The following PCDHGB7 variants were observed in gnomAD, a reference collection of about 807,000 sequenced individuals.
The protein encoded by PCDHGB7 is protocadherin gamma subfamily B, 7.
A neutral mutation model predicts 61.4 loss-of-function variants in PCDHGB7; 37 were observed. The observed-to-expected ratio is 0.60, with a 90% confidence interval of 0.46 to 0.79. The LOEUF (loss-of-function observed/expected upper bound fraction) is 0.79, where lower values mean the gene tolerates loss of function less well. Among genes scored for constraint, PCDHGB7 ranks in the 30% least tolerant of loss-of-function variants. The pLI, the probability that PCDHGB7 is intolerant of heterozygous loss-of-function variation, is 0.00. For missense variants in PCDHGB7, 1,166 were observed against 1,202.5 expected (o/e 0.97, Z 0.45); for synonymous variants, 464 against 503.5 (o/e 0.92, Z 1.05).
chr5:141,497,406 C>T lies in PCDHGB7; in HGVS notation c.2474+2541C>T, dbSNP rs892691245. 1.2e-4 allele frequency among the ~76,000 whole-genome samples: 19 copies of T among 152,174 alleles called. No individual in the cohort carries two copies. The East Asian group carries it at 1.5e-3, about 12-fold the overall frequency. ...AGCACCTTACCCCTGCCTCAACTCC[C>T]ATTCCATCAAATGAGAGGCTTAGTG... On this transcript the variant is annotated intron_variant, in intron 2 of 3. Transcript: ENST00000398594.
chr5:141,438,180 A>G (rs2097937602), intron 1 of PCDHGB7, among the ~76,000 whole-genome samples: 1 of 152,204 alleles, frequency 6.6e-6, no homozygotes, highest in African/African-American at 2.4e-5. Context: ...AATATTTTAT[A>G]AAGGATGAGA....
chr5:141,455,148 A>G (rs6897410), intron 1 of PCDHGB7, among the ~76,000 whole-genome samples: 9,268 of 149,002 alleles, frequency 0.062, 567 homozygotes, highest in African/African-American at 0.16. Flanking sequence ...TTAAATAAAT[A>G]TTAGTTTGTT....
intron 3 of PCDHGB7, among the ~76,000 whole-genome samples, chr5:141,509,422 G>A (rs1181133903): frequency 3.3e-5 from 5 of 152,136 alleles, no homozygotes; most frequent in Non-Finnish European, 5.9e-5. Flanking sequence ...GCCCCAATGA[G>A]TCAAACTCTT....
chr5:141,419,584 C>T lies in PCDHGB7; in HGVS notation c.1725C>T (p.Phe575=). 6.2e-7 allele frequency: 1 copy of T among 1,611,798 alleles called. No homozygotes were observed. Among genetic ancestry groups the T allele is most frequent in the Non-Finnish European group, 8.5e-7 (1 of 1,179,528 alleles). The stretch of plus-strand genomic sequence containing the variant: ...TGGGTCCCGACGGCTCCGCGCTCTT[C>T]GACACAGTGCCGCGGGCCGCGCAGC... ...PALGPDGSAL[F]DTVPRAAQPG... Residue 575 remains phenylalanine (F), a synonymous_variant, in exon 1 of 4, where the codon TTC becomes TTT. Coordinates refer to ENST00000398594, the MANE Select transcript of PCDHGB7 (RefSeq NM_018927.4).
At position 141,419,103 on chromosome 5, in the gene PCDHGB7, C is replaced by A; in HGVS notation, c.1244C>A (p.Thr415Asn). 1 of 1,613,886 alleles carries A rather than the reference C, an allele frequency of 6.2e-7. No individual in the cohort carries two copies. Among genetic ancestry groups the A allele is most frequent in the South Asian group, 1.1e-5 (1 of 91,088 alleles). Residue 415 changes from threonine (T) to asparagine (N), a missense_variant, in exon 1 of 4, where the codon ACC (threonine) becomes AAC (asparagine). Coordinates refer to ENST00000398594, the MANE Select transcript of PCDHGB7 (RefSeq NM_018927.4). ...VTDEALDREQ[T>N]PEYNVTIAAT... ...GATGAGGCCCTGGATCGGGAGCAGA[C>A]CCCAGAGTACAACGTCACCATCGCA...
intron 1 of PCDHGB7, among the ~76,000 whole-genome samples, chr5:141,457,904 T>C (rs960822555): frequency 6.0e-5 from 9 of 150,288 alleles, no homozygotes; most frequent in African/African-American, 2.2e-4. Context: ...GTAGACAAGG[T>C]GTGAGGCCAG....
At chr5:141,461,312 C>T (rs1318872213) in intron 1 of PCDHGB7, among the ~76,000 whole-genome samples, 1 of 152,064 alleles carries the variant, frequency 6.6e-6, no homozygotes, top group African/African-American at 2.4e-5. Flanking sequence ...TGTTTTTTGA[C>T]TTTTTAATAA....
chr5:141,509,819 C>T (rs1008625658), intron 3 of PCDHGB7, among the ~76,000 whole-genome samples: 3 of 152,154 alleles, frequency 2.0e-5, no homozygotes, highest in African/African-American at 7.2e-5. Context: ...AGCTCTTCTC[C>T]ATCTTCTCTC....
intron 1 of PCDHGB7, chr5:141,421,647 G>C: frequency 6.2e-7 from 1 of 1,613,872 alleles, no homozygotes; most frequent in South Asian, 1.1e-5. Context: ...ACGAAGTGGA[G>C]ATAAAAGTCA....
chr5:141,486,987 G>C lies in PCDHGB7; in HGVS notation c.2416-7820G>C, dbSNP rs1327158531. ...GACTTGGATTCAGGTTACAATGCTTGGGTTTCCTATCAGCTCCTGGAGGCC... is the reference window on the plus strand; with the variant it reads ...GACTTGGATTCAGGTTACAATGCTTCGGTTTCCTATCAGCTCCTGGAGGCC... On this transcript the variant is annotated intron_variant, in intron 1 of 3. Transcript: ENST00000398594. The surrounding 1 kb of genome is among the most constrained non-coding windows in gnomAD (Gnocchi z 5.0). The C allele has an allele frequency of 6.2e-7, 1 of 1,614,144 alleles. No homozygotes were observed. Among genetic ancestry groups the C allele is most frequent in the Admixed American group, 1.7e-5 (1 of 60,020 alleles).
At position 141,418,974 on chromosome 5, in the gene PCDHGB7, G is replaced by A; in HGVS notation, c.1115G>A (p.Arg372Gln). The change falls in exon 1 of 4, where the codon CGG (arginine) becomes CAG (glutamine). Residue 372 changes from arginine (R) to glutamine (Q), a missense_variant. Arg to Gln is a conservative substitution (Grantham distance 43, BLOSUM62 1). Transcript: ENST00000398594. ...PGVVVALFKT[R>Q]DQDSGENGEV... ...GTGGTTGTTGCCCTCTTCAAAACAC[G>A]GGACCAAGACTCAGGGGAAAATGGG... is the stretch of plus-strand genomic sequence containing the variant. 1.2e-6 allele frequency: 2 copies of A among 1,613,936 alleles called. No homozygotes were observed. The highest frequency in any genetic ancestry group is 1.7e-6 in the Non-Finnish European group (2 of 1,179,870).
chr5:141,464,824 G>A (rs1329087889), intron 1 of PCDHGB7, among the ~76,000 whole-genome samples: 2 of 151,816 alleles, frequency 1.3e-5, no homozygotes, highest in African/African-American at 2.4e-5. Context: ...CTGTAGCCTC[G>A]CACTCCTGGG....
intron 1 of PCDHGB7, chr5:141,429,173 C>CA (rs1561839883): frequency 7.9e-6 from 1 of 125,872 alleles, no homozygotes; most frequent in Non-Finnish European, 1.7e-5. Flanking sequence ...TGTTTATACA[C>CA]ACACACACAC....
chr5:141,459,947 A>T (rs2098978538), intron 1 of PCDHGB7, among the ~76,000 whole-genome samples: 1 of 152,200 alleles, frequency 6.6e-6, no homozygotes, highest in African/African-American at 2.4e-5. Context: ...GCGTGATGGC[A>T]GGTGCCTGTA....
intron 1 of PCDHGB7, among the ~76,000 whole-genome samples, chr5:141,463,541 C>T (rs1423301726): frequency 2.7e-5 from 4 of 150,402 alleles, no homozygotes; most frequent in East Asian, 2.0e-4. Flanking sequence ...CTCCGGCTCC[C>T]GGGTTCATGC....
chr5:141,463,653 G>A (rs1378583183), intron 1 of PCDHGB7, among the ~76,000 whole-genome samples: 2 of 151,764 alleles, frequency 1.3e-5, no homozygotes, highest in Admixed American at 6.6e-5. Context: ...GGGTTTCACC[G>A]TGTTAGCCAG....
intron 1 of PCDHGB7, chr5:141,423,820 C>T: frequency 7.9e-7 from 1 of 1,272,642 alleles, no homozygotes. Context: ...TTTTACTTTG[C>T]CTTTCATGAG....
chr5:141,432,137 T>A lies in PCDHGB7; in HGVS notation c.2415+11863T>A. On this transcript the variant is annotated intron_variant, in intron 1 of 3. Coordinates refer to ENST00000398594, the MANE Select transcript of PCDHGB7 (RefSeq NM_018927.4). The surrounding 1 kb of genome is among the most constrained non-coding windows in gnomAD (Gnocchi z 6.0). ...CTTCCCTCAGGCCTCCTATTCCGCT[T>A]ATATCCCAGAGAACAATCCCAGAGG... 6.2e-7 allele frequency: 1 copy of A among 1,613,964 alleles called. No homozygotes were observed. Among genetic ancestry groups the A allele is most frequent in the Non-Finnish European group, 8.5e-7 (1 of 1,179,984 alleles).
chr5:141,445,025 C>T (rs2154560886), intron 1 of PCDHGB7, among the ~76,000 whole-genome samples: 2 of 152,200 alleles, frequency 1.3e-5, no homozygotes, highest in Middle Eastern at 6.8e-3. Flanking sequence ...TTTCTCTCAG[C>T]TATGTTGTAT....
Sources: gnomAD v4.1 joint callset for allele counts (sites outside exome capture counted in the v4.1 genomes callset) on GRCh38, gnomAD v4.1.1 for gene constraint, Gnocchi (gnomAD v3.1) non-coding constraint, MANE v1.5 for transcripts, NCBI Gene and HGNC (gene_info 2026-07-23, HGNC 2026-07-21) for gene names.